The following GPR158 variants were observed in gnomAD, a reference collection of about 807,000 sequenced individuals.
The protein encoded by GPR158 is metabotropic glycine receptor.
Under a neutral mutation model 78.2 loss-of-function variants are expected in GPR158, and 30 were observed. The observed-to-expected ratio is 0.38, with a 90% CI of 0.29 to 0.52. GPR158 has a LOEUF of 0.52. GPR158 is among the 20% of genes least tolerant of loss of function. The pLI is 0.83. For synonymous variants in GPR158, 581 were observed against 591.1 expected (o/e 0.98, Z 0.25); for missense variants, 1,463 against 1,523.5 (o/e 0.96, Z 0.66).
At chr10:25,539,591 G>C (rs1187104643) in intron 5 of GPR158, among the ~76,000 whole-genome samples, 8 of 150,582 alleles carry the variant, frequency 5.3e-5, no homozygotes, top group Non-Finnish European at 1.0e-4. Flanking sequence ...TTGGGGTACA[G>C]CATAGCATCT....
At chr10:25,440,760 A>G (rs1053607285) in intron 4 of GPR158, among the ~76,000 whole-genome samples, 2 of 152,026 alleles carry the variant, frequency 1.3e-5, no homozygotes, top group African/African-American at 2.4e-5. Flanking sequence ...AGTTTATTTT[A>G]TTTCTCCATA....
intron 2 of GPR158, among the ~76,000 whole-genome samples, chr10:25,324,721 A>G (rs1232926861): frequency 1.3e-5 from 2 of 152,214 alleles, no homozygotes; most frequent in African/African-American, 4.8e-5. Flanking sequence ...AATAAAGCAA[A>G]GTGCAATAAA....
chr10:25,276,989 G>A lies in GPR158; in HGVS notation c.1008+55832G>A, dbSNP rs188350476. ...ATAATAGACAGGGTCTCACTCTGTC[G>A]CCCAGGCTGGAGTGCAGTGGCATGA... is the stretch of plus-strand genomic sequence containing the variant. On this transcript the variant is annotated intron_variant, in intron 2 of 10. Transcript: ENST00000376351. Among the ~76,000 whole-genome samples, 248 of 148,344 alleles carry A rather than the reference G, an allele frequency of 1.7e-3. 1 individual carries two copies. The highest frequency in any genetic ancestry group is 5.6e-3 in the African/African-American group (225 of 40,022).
chr10:25,338,346 C>T (rs1290729560), intron 2 of GPR158, among the ~76,000 whole-genome samples: 1 of 148,012 alleles, frequency 6.8e-6, no homozygotes, highest in African/African-American at 2.5e-5. Context: ...TTTTGCCAAG[C>T]AGCTTTCCCA....
At chr10:25,439,143 C>T (rs1187870774) in intron 4 of GPR158, among the ~76,000 whole-genome samples, 3 of 152,138 alleles carry the variant, frequency 2.0e-5, no homozygotes, top group Non-Finnish European at 4.4e-5. Context: ...AAAGACATAC[C>T]TGAGACTAGG....
chr10:25,232,842 T>C (rs1853469086), intron 2 of GPR158, among the ~76,000 whole-genome samples: 1 of 152,208 alleles, frequency 6.6e-6, no homozygotes, highest in Non-Finnish European at 1.5e-5. Context: ...TGGGTTACTA[T>C]TGTCTCTAAA....
chr10:25,288,769 A>G (rs1343533859), intron 2 of GPR158, among the ~76,000 whole-genome samples: 1 of 152,186 alleles, frequency 6.6e-6, no homozygotes, highest in Non-Finnish European at 1.5e-5. Context: ...TAATGAGTAC[A>G]TTTGATTGTA....
rs750512446 is a variant in GPR158, at chr10:25,176,174, C to T, written c.754C>T (p.Arg252Cys). The change falls in exon 1 of 11, where the codon CGC (arginine) becomes TGC (cysteine). Residue 252 changes from arginine (R) to cysteine (C), a missense_variant. Transcript: ENST00000376351. The surrounding 1 kb of genome is among the most constrained non-coding windows in gnomAD (Gnocchi z 6.3). ...CCGGGGCCTGGGCCACAGCTGGCGG[C>T]GCAAGGACGGGCTCGGCGGGGACAA... ...GPRGLGHSWR[R>C]KDGLGGDKSH... is the part of the protein sequence containing the mutation. The T allele has an allele frequency of 9.1e-5, 144 of 1,579,724 alleles. No homozygotes were observed. The highest frequency in any genetic ancestry group is 1.9e-4 in the Admixed American group (10 of 52,800).
chr10:25,594,546 C>G, intron 9 of GPR158, 149 bp downstream of exon 9: 1 of 468,514 alleles, frequency 2.1e-6, no homozygotes, highest in Non-Finnish European at 3.7e-6. Context: ...GCTGTTTTCT[C>G]TTTGAATTTT....
At chr10:25,224,818 T>C (rs976454528) in intron 2 of GPR158, among the ~76,000 whole-genome samples, 7 of 152,160 alleles carry the variant, frequency 4.6e-5, no homozygotes, top group Admixed American at 4.6e-4. Context: ...TTGATGTCAA[T>C]TGGTCCTCGC....
At chr10:25,381,450 A>G (rs1376979638) in intron 2 of GPR158, among the ~76,000 whole-genome samples, 3 of 152,176 alleles carry the variant, frequency 2.0e-5, no homozygotes, top group African/African-American at 7.2e-5. Context: ...GGTTTTTAAT[A>G]TGGCTGAGAT....
chr10:25,221,463 A>G (rs1459240601), intron 2 of GPR158, among the ~76,000 whole-genome samples: 1 of 152,228 alleles, frequency 6.6e-6, no homozygotes, highest in Non-Finnish European at 1.5e-5. Flanking sequence ...AACCAGTCCC[A>G]GGAATGGTCA....
chr10:25,235,162 T>G (rs1853503061), intron 2 of GPR158, among the ~76,000 whole-genome samples: 1 of 152,230 alleles, frequency 6.6e-6, no homozygotes, highest in Admixed American at 6.5e-5. Context: ...CTTTTCTCTT[T>G]GGTGAGAATT....
intron 5 of GPR158, among the ~76,000 whole-genome samples, chr10:25,515,341 T>A (rs1836149217): frequency 6.6e-6 from 1 of 152,116 alleles, no homozygotes; most frequent in Non-Finnish European, 1.5e-5. Context: ...TTTTTAGAAA[T>A]TGTGATTGTT....
intron 4 of GPR158, among the ~76,000 whole-genome samples, chr10:25,448,454 CCTTT>C (rs1265587072): frequency 1.3e-5 from 2 of 152,084 alleles, no homozygotes; most frequent in Non-Finnish European, 2.9e-5. Context: ...ATCACTTTTT[CCTTT>C]CTATTTCCAA....
intron 5 of GPR158, among the ~76,000 whole-genome samples, chr10:25,473,250 A>T (rs924706818): frequency 5.3e-5 from 8 of 151,876 alleles, no homozygotes; most frequent in African/African-American, 1.7e-4. Context: ...TATATGCTGG[A>T]TTACATTTAT....
chr10:25,487,840 G>A (rs1332769386), intron 5 of GPR158, among the ~76,000 whole-genome samples: 2 of 152,078 alleles, frequency 1.3e-5, no homozygotes, highest in East Asian at 1.9e-4. Context: ...GAATAAAATT[G>A]CGTTTAGATT....
chr10:25,552,796 C>A (rs7079036), intron 6 of GPR158, among the ~76,000 whole-genome samples: 356 of 152,314 alleles, frequency 2.3e-3, no homozygotes, highest in African/African-American at 8.3e-3. Context: ...TCTGGAACAC[C>A]TAACACTGTG....
At chr10:25,436,744 G>T (rs1835002874) in intron 4 of GPR158, among the ~76,000 whole-genome samples, 1 of 152,150 alleles carries the variant, frequency 6.6e-6, no homozygotes, top group Non-Finnish European at 1.5e-5. Context: ...AGTAGAGAAA[G>T]CACTTGTACC....
Sources: gnomAD v4.1 joint callset for allele counts (sites outside exome capture counted in the v4.1 genomes callset) on GRCh38, gnomAD v4.1.1 for gene constraint, Gnocchi (gnomAD v3.1) non-coding constraint, MANE v1.5 for transcripts, NCBI Gene and HGNC (gene_info 2026-07-23, HGNC 2026-07-21) for gene names.